The following ITK variants were observed in gnomAD, a reference collection of about 807,000 sequenced individuals.
ITK encodes IL2 inducible T cell kinase, also known as tyrosine-protein kinase ITK/TSK.
In ITK, 45 loss-of-function variants were observed where a neutral mutation model predicts 87.6. That is an observed-to-expected ratio of 0.51 (90% CI 0.40 to 0.66). The LOEUF (loss-of-function observed/expected upper bound fraction) is 0.66. ITK is among the 30% of genes least tolerant of loss of function. ITK has a pLI of 0.00. For missense variants in ITK, 605 were observed against 766.3 expected, an observed-to-expected ratio of 0.79 and a Z score of 2.48; for synonymous variants, 303 against 273.6, an observed-to-expected ratio of 1.11 and a Z score of -1.06.
chr5:157,205,467 A>C (rs1754059953), intron 1 of ITK, among the ~76,000 whole-genome samples: 1 of 152,272 alleles, frequency 6.6e-6, no homozygotes, highest in South Asian at 2.1e-4. Flanking sequence ...AATAATTTTA[A>C]AAACTTTTTT....
chr5:157,209,204 C>T (rs1439731591), intron 2 of ITK, among the ~76,000 whole-genome samples: 2 of 151,974 alleles, frequency 1.3e-5, no homozygotes, highest in South Asian at 2.1e-4. Context: ...TACTGGCGGG[C>T]GCCTGTTATC....
In ITK at chr5:157,245,862, C is replaced by G. The variant is rs755377744; in HGVS notation, c.1515-19C>G. 5.6e-6 allele frequency: 9 copies of G among 1,610,200 alleles called. No homozygotes were observed. The South Asian group carries it at 9.9e-5, about 18-fold the overall frequency. ...GGCCCCCGGAACATTCTGACCTTCT[C>G]CCTCCACTCTCTTCCCAGGTTCGTT... On this transcript the variant is annotated intron_variant, in intron 14 of 16. Coordinates refer to ENST00000422843, the MANE Select transcript of ITK (RefSeq NM_005546.4).
At chr5:157,211,060 T>C (rs1175586633) in intron 2 of ITK, among the ~76,000 whole-genome samples, 1 of 152,158 alleles carries the variant, frequency 6.6e-6, no homozygotes, top group African/African-American at 2.4e-5. Context: ...GTTTAGTGAT[T>C]GCTCTCTTGG....
intron 1 of ITK, among the ~76,000 whole-genome samples, chr5:157,182,588 G>A (rs1410996328): frequency 6.6e-6 from 1 of 152,106 alleles, no homozygotes; most frequent in Non-Finnish European, 1.5e-5. Flanking sequence ...GTGGCCAGGA[G>A]CCCAGTTTGT....
intron 2 of ITK, 37 bp from the exon 3 acceptor site, chr5:157,211,250 A>G (rs1199340517): frequency 6.4e-7 from 1 of 1,565,144 alleles, no homozygotes; most frequent in Admixed American, 1.7e-5. Context: ...ATCTCCATGC[A>G]CGCTGCTCAC....
intron 7 of ITK, among the ~76,000 whole-genome samples, chr5:157,229,302 C>A (rs1554102136): frequency 3.9e-5 from 6 of 152,154 alleles, no homozygotes; most frequent in Non-Finnish European, 8.8e-5. Context: ...TATCTCCTCA[C>A]AAATCACTTG....
At chr5:157,237,584 A>G (rs1754802247) in intron 8 of ITK, among the ~76,000 whole-genome samples, 1 of 152,352 alleles carries the variant, frequency 6.6e-6, no homozygotes, top group Admixed American at 6.5e-5. Flanking sequence ...TTTTCAGGAC[A>G]GTTTTGTGCC....
At chr5:157,249,789 T>A (rs1366009018) in intron 16 of ITK, among the ~76,000 whole-genome samples, 1 of 152,202 alleles carries the variant, frequency 6.6e-6, no homozygotes, top group African/African-American at 2.4e-5. Context: ...AGAGCTTTTA[T>A]AATCAGAAAC....
At chr5:157,224,677 A>T (rs563487234) in intron 6 of ITK, among the ~76,000 whole-genome samples, 1 of 152,208 alleles carries the variant, frequency 6.6e-6, no homozygotes, top group African/African-American at 2.4e-5. Context: ...GCTACTCGGG[A>T]GGCTGGGGCA....
intron 12 of ITK, 127 bp downstream of exon 12, chr5:157,243,921 G>A: frequency 1.2e-6 from 1 of 866,488 alleles, no homozygotes; most frequent in Non-Finnish European, 1.9e-6. Flanking sequence ...GCTTCCTATT[G>A]CACAGAGAAT....
rs60485741 is a variant in ITK, at chr5:157,220,499, C to T, written c.496-2364C>T. On this transcript the variant is annotated intron_variant, in intron 5 of 16. Coordinates refer to ENST00000422843, the MANE Select transcript of ITK (RefSeq NM_005546.4). Reference sequence around the variant, plus strand: ...TATCCCTGCCACTGCTACCTGGGCTCTCTGTGAGGGCCCCTCAGCCCCGTG... The same window carrying T: ...TATCCCTGCCACTGCTACCTGGGCTTTCTGTGAGGGCCCCTCAGCCCCGTG... Among the ~76,000 whole-genome samples the T allele has an allele frequency of 7.9e-5, 12 of 152,262 alleles. No individual in the cohort carries two copies. The East Asian group carries it at 2.1e-3, about 27-fold the overall frequency.
chr5:157,189,222 C>A (rs980064856), intron 1 of ITK, among the ~76,000 whole-genome samples: 3 of 152,044 alleles, frequency 2.0e-5, no homozygotes, highest in African/African-American at 7.2e-5. Context: ...ATGGAGATAA[C>A]CGTTGTATTG....
chr5:157,231,570 T>C (rs1340861908), intron 7 of ITK, among the ~76,000 whole-genome samples: 1 of 152,210 alleles, frequency 6.6e-6, no homozygotes, highest in Non-Finnish European at 1.5e-5. Flanking sequence ...GTGGTATTCC[T>C]TCCCTACCCA....
intron 16 of ITK, among the ~76,000 whole-genome samples, chr5:157,252,188 T>C (rs1264432173): frequency 6.6e-6 from 1 of 152,220 alleles, no homozygotes; most frequent in Non-Finnish European, 1.5e-5. Flanking sequence ...TTTTTTCTCA[T>C]TTAGATCATG....
chr5:157,211,186 C>A, intron 2 of ITK, 101 bp from the exon 3 acceptor site: 1 of 941,630 alleles, frequency 1.1e-6, no homozygotes, highest in Non-Finnish European at 1.7e-6. Context: ...GCCTATATGA[C>A]GATAAACACC....
chr5:157,197,055 T>C (rs1753866569), intron 1 of ITK, among the ~76,000 whole-genome samples: 1 of 152,216 alleles, frequency 6.6e-6, no homozygotes, highest in South Asian at 2.1e-4. Context: ...GTTTTCAACA[T>C]GCTAGGATCA....
At chr5:157,240,593 T>C (rs544547038) in intron 10 of ITK, 114 of 300,920 alleles carry the variant, frequency 3.8e-4, no homozygotes, top group African/African-American at 2.4e-3. Flanking sequence ...AGAAAAGAGG[T>C]TTAATTGGTC....
intron 6 of ITK, among the ~76,000 whole-genome samples, chr5:157,223,643 G>A (rs975169083): frequency 7.9e-5 from 12 of 151,478 alleles, no homozygotes; most frequent in African/African-American, 2.4e-4. Context: ...TAATATATCC[G>A]ATGTATTAAC....
At chr5:157,191,382 G>A (rs1011194427) in intron 1 of ITK, among the ~76,000 whole-genome samples, 1 of 152,150 alleles carries the variant, frequency 6.6e-6, no homozygotes, top group African/African-American at 2.4e-5. Flanking sequence ...AGCAAAGACT[G>A]AAACCAAATT....
Sources: gnomAD v4.1 joint callset for allele counts (sites outside exome capture counted in the v4.1 genomes callset) on GRCh38, gnomAD v4.1.1 for gene constraint, MANE v1.5 for transcripts, NCBI Gene and HGNC (gene_info 2026-07-23, HGNC 2026-07-21) for gene names.